The following SBF2 variants were observed in gnomAD, a reference collection of about 807,000 sequenced individuals.
The protein encoded by SBF2 is myotubularin-related protein 13.
A neutral mutation model predicts 225.2 loss-of-function variants in SBF2; 112 were observed. The ratio of observed to expected loss-of-function variants is 0.50; its 90% CI spans 0.43 to 0.58. SBF2 has a LOEUF of 0.58. Ranked by LOEUF, SBF2 falls within the 20% of genes least tolerant of loss-of-function variation. The pLI, the probability that SBF2 is intolerant of heterozygous loss-of-function variation, is 0.00. For synonymous variants in SBF2, 763 were observed against 773.3 expected (o/e 0.99, Z 0.22); for missense variants, 1,996 against 2,206.2 (o/e 0.90, Z 1.91).
chr11:9,846,857 C>T, intron 23 of SBF2, 99 bp downstream of exon 23: 2 of 1,319,252 alleles, frequency 1.5e-6, no homozygotes, highest in Non-Finnish European at 2.2e-6. Flanking sequence ...CATTCTCATC[C>T]TCTTAACTTC....
At chr11:10,108,930 C>A (rs1352211712) in intron 2 of SBF2, among the ~76,000 whole-genome samples, 2 of 152,242 alleles carry the variant, frequency 1.3e-5, no homozygotes, top group East Asian at 3.9e-4. Flanking sequence ...CCACTTAACT[C>A]TCATTTGCCA....
chr11:9,942,836 C>T (rs1346459212), intron 16 of SBF2, among the ~76,000 whole-genome samples: 1 of 138,108 alleles, frequency 7.2e-6, no homozygotes, highest in Non-Finnish European at 1.5e-5. Flanking sequence ...AAGACCCTGT[C>T]TCAAAAAAAA....
chr11:10,174,649 A>G (rs1221735094), intron 2 of SBF2, among the ~76,000 whole-genome samples: 14 of 152,194 alleles, frequency 9.2e-5, no homozygotes, highest in Non-Finnish European at 1.9e-4. Context: ...CAAATTCAGG[A>G]AATACAGAGA....
intron 17 of SBF2, among the ~76,000 whole-genome samples, chr11:9,859,180 C>T (rs1361377804): frequency 6.6e-6 from 1 of 152,088 alleles, no homozygotes; most frequent in Admixed American, 6.5e-5. Flanking sequence ...TTCCAAAACC[C>T]CTGCTCTTTT....
chr11:10,235,856 C>T (rs1321267550), intron 1 of SBF2, among the ~76,000 whole-genome samples: 1 of 152,066 alleles, frequency 6.6e-6, no homozygotes, highest in Non-Finnish European at 1.5e-5. Flanking sequence ...TCACCTGAGC[C>T]CAAGAGTTCA....
intron 28 of SBF2, among the ~76,000 whole-genome samples, chr11:9,818,758 G>T (rs1449022908): frequency 6.6e-6 from 1 of 152,178 alleles, no homozygotes; most frequent in Non-Finnish European, 1.5e-5. Flanking sequence ...TTTCACTCTT[G>T]TTGCCCAGGC....
intron 1 of SBF2, among the ~76,000 whole-genome samples, chr11:10,226,077 T>G (rs1354369682): frequency 6.6e-6 from 1 of 152,198 alleles, no homozygotes; most frequent in East Asian, 1.9e-4. Flanking sequence ...ATGTGTCATT[T>G]GGATATTTAA....
chr11:10,080,525 C>G (rs1483731200), intron 2 of SBF2, among the ~76,000 whole-genome samples: 1 of 151,468 alleles, frequency 6.6e-6, no homozygotes, highest in Non-Finnish European at 1.5e-5. Context: ...TGACAAAACC[C>G]TACTAAACCT....
intron 33 of SBF2, among the ~76,000 whole-genome samples, chr11:9,792,314 C>T (rs1014238013): frequency 2.0e-5 from 3 of 151,962 alleles, no homozygotes; most frequent in Non-Finnish European, 4.4e-5. Flanking sequence ...ACCTGTAATC[C>T]CAGCTACTCG....
intron 2 of SBF2, among the ~76,000 whole-genome samples, chr11:10,156,361 G>A (rs148102488): frequency 3.9e-5 from 6 of 152,336 alleles, no homozygotes; most frequent in Admixed American, 2.0e-4. Flanking sequence ...CCCTCGGCGC[G>A]AACAGCCTGG....
chr11:10,220,201 T>C (rs1407677888), intron 1 of SBF2, among the ~76,000 whole-genome samples: 1 of 152,168 alleles, frequency 6.6e-6, no homozygotes, highest in Non-Finnish European at 1.5e-5. Flanking sequence ...GCAAGAGAGC[T>C]TGTGTAGGGG....
chr11:9,780,304 A>G lies in SBF2; in HGVS notation c.*114T>C. 1 of 881,588 alleles carries G rather than the reference A, an allele frequency of 1.1e-6. No homozygotes were observed. The highest frequency in any genetic ancestry group is 1.4e-5 in the South Asian group (1 of 70,748). 54.6% of individuals were successfully genotyped at this position (881,588 alleles called of 1,614,324 possible). On this transcript the variant is annotated 3_prime_UTR_variant, in exon 40 of 40. Coordinates refer to ENST00000256190, the MANE Select transcript of SBF2 (RefSeq NM_030962.4). ...CCTGCAAGAGGGGACTGGGCAGGAG[A>G]ACCTCAGGCCCTGGGATAACTTGTT...
chr11:9,837,942 T>C (rs1423186640), intron 26 of SBF2: 2 of 152,130 alleles, frequency 1.3e-5, no homozygotes, highest in African/African-American at 4.8e-5. Flanking sequence ...TTCACCATGT[T>C]GGCCAGGATG....
intron 16 of SBF2, among the ~76,000 whole-genome samples, chr11:9,909,264 GA>G: frequency 6.6e-6 from 1 of 152,044 alleles, no homozygotes; most frequent in African/African-American, 2.4e-5. Flanking sequence ...ACTTATTTTG[GA>G]AGGTTTTTGT....
chr11:10,273,340 G>T (rs7107399), intron 1 of SBF2, among the ~76,000 whole-genome samples: 69,609 of 151,684 alleles, frequency 0.46, 16,780 homozygotes, highest in Non-Finnish European at 0.54. Flanking sequence ...TCGAATTACT[G>T]TTTTTTAAAA....
intron 2 of SBF2, among the ~76,000 whole-genome samples, chr11:10,045,217 G>C (rs1046471847): frequency 6.6e-6 from 1 of 151,224 alleles, no homozygotes; most frequent in African/African-American, 2.4e-5. Context: ...GCCCAGGCTG[G>C]AGTGCAGTGG....
intron 2 of SBF2, among the ~76,000 whole-genome samples, chr11:10,171,678 C>A (rs1469899596): frequency 6.6e-6 from 1 of 152,146 alleles, no homozygotes. Flanking sequence ...GTATTCCCTC[C>A]TCCTCAATTT....
At chr11:9,820,744 T>C (rs929672174) in intron 28 of SBF2, among the ~76,000 whole-genome samples, 3 of 152,338 alleles carry the variant, frequency 2.0e-5, no homozygotes, top group Admixed American at 2.0e-4. Flanking sequence ...GTCGATTATC[T>C]GTATATTCTT....
chr11:10,249,704 T>G (rs1184340375), intron 1 of SBF2, among the ~76,000 whole-genome samples: 1 of 149,218 alleles, frequency 6.7e-6, no homozygotes, highest in Non-Finnish European at 1.5e-5. Context: ...TGGAATGCTA[T>G]GGGGGAGTCC....
Sources: gnomAD v4.1 joint callset for allele counts (sites outside exome capture counted in the v4.1 genomes callset) on GRCh38, gnomAD v4.1.1 for gene constraint, MANE v1.5 for transcripts, NCBI Gene and HGNC (gene_info 2026-07-23, HGNC 2026-07-21) for gene names.